CD226: variants seen among roughly 807,000 people sequenced by gnomAD.
CD226 encodes CD226 antigen.
In CD226, 24 loss-of-function variants were observed where a neutral mutation model predicts 34.9. The ratio of observed to expected loss-of-function variants is 0.69; its 90% CI spans 0.50 to 0.97. The LOEUF (loss-of-function observed/expected upper bound fraction) is 0.97, where lower values mean the gene tolerates loss of function less well. Ranked by LOEUF, CD226 falls within the 50% of genes least tolerant of loss-of-function variation. The pLI is 0.00. For synonymous variants in CD226, 148 were observed against 147.4 expected, an observed-to-expected ratio of 1.00 and a Z score of -0.03; for missense variants, 397 against 412.7, an observed-to-expected ratio of 0.96 and a Z score of 0.33.
rs1983004640 is a variant in CD226 at position 69,864,391 on chromosome 18, G to A, written c.934C>T (p.Gln312Ter). Residue 312 changes from glutamine (Q) to a stop codon, truncating the protein, a stop_gained, in exon 6 of 6, where the codon CAA becomes TAA. Coordinates refer to ENST00000582621, the MANE Select transcript of CD226 (RefSeq NM_001303618.2). LOFTEE classifies it high-confidence loss of function. ...SPISTSQPTN[Q>*]SMDDTREDIY... is the part of the protein sequence containing the mutation. ...TCCTCTCTTGTATCATCCATGGATTGATTGGTAGGTTGACTGGTAGAGATG... is the reference window on the plus strand; with the variant it reads ...TCCTCTCTTGTATCATCCATGGATTAATTGGTAGGTTGACTGGTAGAGATG... 1 of 1,613,014 alleles carries A rather than the reference G, an allele frequency of 6.2e-7. No homozygotes were observed. Among genetic ancestry groups the A allele is most frequent in the South Asian group, 1.1e-5 (1 of 91,056 alleles).
intron 3 of CD226, among the ~76,000 whole-genome samples, chr18:69,882,194 A>G (rs1427505120): frequency 6.6e-6 from 1 of 152,252 alleles, no homozygotes; most frequent in Non-Finnish European, 1.5e-5. Context: ...TAGCTGATGT[A>G]GAAATTTTGC....
At chr18:69,917,252 T>C (rs567203885) in intron 2 of CD226, among the ~76,000 whole-genome samples, 15 of 152,322 alleles carry the variant, frequency 9.8e-5, no homozygotes, top group African/African-American at 3.4e-4. Context: ...TAAGGCCTAA[T>C]AGAAGTAGTC....
chr18:69,945,859 G>C (rs980699669), intron 2 of CD226, among the ~76,000 whole-genome samples: 1 of 152,112 alleles, frequency 6.6e-6, no homozygotes, highest in Non-Finnish European at 1.5e-5. Context: ...GAGAAGTCAC[G>C]TCTTACATGG....
chr18:69,864,662 G>A (rs1983027985), intron 5 of CD226, among the ~76,000 whole-genome samples: 1 of 152,152 alleles, frequency 6.6e-6, no homozygotes, highest in Non-Finnish European at 1.5e-5. Context: ...GCTGTATTGT[G>A]CTATGAATTA....
At chr18:69,921,033 T>G (rs1480179623) in intron 2 of CD226, among the ~76,000 whole-genome samples, 1 of 152,170 alleles carries the variant, frequency 6.6e-6, no homozygotes, top group Non-Finnish European at 1.5e-5. Context: ...AATTGCTCAG[T>G]TCTTCATGCC....
chr18:69,908,994 T>C (rs1053629376), intron 2 of CD226, among the ~76,000 whole-genome samples: 13 of 152,248 alleles, frequency 8.5e-5, no homozygotes, highest in African/African-American at 3.1e-4. Context: ...ATATCACTTA[T>C]TCTGTGACAT....
intron 2 of CD226, among the ~76,000 whole-genome samples, chr18:69,930,576 T>A (rs1844208241): frequency 6.6e-6 from 1 of 152,074 alleles, no homozygotes; most frequent in African/African-American, 2.4e-5. Context: ...AAGAAATAGG[T>A]GTCAAAACCC....
intron 2 of CD226, among the ~76,000 whole-genome samples, chr18:69,900,654 C>G (rs1254548394): frequency 6.7e-6 from 1 of 148,602 alleles, no homozygotes; most frequent in African/African-American, 2.5e-5. Context: ...ATGGCGTGAA[C>G]CCGGGAGGCG....
chr18:69,864,471 A>T, intron 5 of CD226, 32 bp from the exon 6 acceptor site: 1 of 1,604,612 alleles, frequency 6.2e-7, no homozygotes, highest in Non-Finnish European at 8.5e-7. Flanking sequence ...AGTGTCAATA[A>T]TTCACTGCAT....
intron 4 of CD226, among the ~76,000 whole-genome samples, chr18:69,872,156 T>C (rs1865761): frequency 0.41 from 62,563 of 151,572 alleles, 15,423 homozygotes; most frequent in East Asian, 0.64. Flanking sequence ...CCAGCAAACA[T>C]ATATTAAGTA....
chr18:69,884,484 T>C (rs1317073496), intron 3 of CD226, among the ~76,000 whole-genome samples: 1 of 152,232 alleles, frequency 6.6e-6, no homozygotes, highest in African/African-American at 2.4e-5. Flanking sequence ...CTCTGTCTCT[T>C]TGAAAGACAT....
At chr18:69,915,443 A>G (rs1428749334) in intron 2 of CD226, among the ~76,000 whole-genome samples, 1 of 152,232 alleles carries the variant, frequency 6.6e-6, no homozygotes, top group Admixed American at 6.5e-5. Context: ...TGAAATGGAG[A>G]AAACAAACAA....
At chr18:69,925,005 A>G (rs17081844) in intron 2 of CD226, among the ~76,000 whole-genome samples, 6,442 of 152,294 alleles carry the variant, frequency 0.042, 481 homozygotes, top group African/African-American at 0.15. Context: ...AGAACAGATA[A>G]GCAACATATA....
chr18:69,869,899 C>A (rs1398109171), intron 4 of CD226, among the ~76,000 whole-genome samples: 2 of 149,660 alleles, frequency 1.3e-5, no homozygotes, highest in African/African-American at 2.5e-5. Flanking sequence ...CTCCCGGGTT[C>A]AAGTGATTCT....
At chr18:69,867,547 T>C in intron 4 of CD226, 136 bp from the exon 5 acceptor site, 2 of 590,814 alleles carry the variant, frequency 3.4e-6, no homozygotes, top group Non-Finnish European at 5.9e-6. Context: ...TGCACATTTA[T>C]CCAAAATTCT....
chr18:69,937,293 A>G (rs1422761591), intron 2 of CD226, among the ~76,000 whole-genome samples: 1 of 152,156 alleles, frequency 6.6e-6, no homozygotes, highest in African/African-American at 2.4e-5. Context: ...ATTATCTTCC[A>G]AAGTAGGTTA....
intron 3 of CD226, among the ~76,000 whole-genome samples, chr18:69,878,191 T>C (rs1983995958): frequency 6.6e-6 from 1 of 152,194 alleles, no homozygotes; most frequent in Non-Finnish European, 1.5e-5. Flanking sequence ...AAAGAAGAAT[T>C]GTTTCCAGAA....
intron 2 of CD226, among the ~76,000 whole-genome samples, chr18:69,942,251 T>C (rs1387608090): frequency 6.6e-6 from 1 of 152,232 alleles, no homozygotes; most frequent in Non-Finnish European, 1.5e-5. Context: ...TCCATGTATA[T>C]ACACATTGGT....
At chr18:69,960,866 A>C (rs2055926476), upstream of CD226, among the ~76,000 whole-genome samples, 1 of 152,256 alleles carries the variant, frequency 6.6e-6, no homozygotes, top group Non-Finnish European at 1.5e-5. Context: ...ATAGTGAGAC[A>C]CTAGAAAAAT....
Sources: gnomAD v4.1 joint callset for allele counts (sites outside exome capture counted in the v4.1 genomes callset) on GRCh38, gnomAD v4.1.1 for gene constraint, MANE v1.5 for transcripts, NCBI Gene and HGNC (gene_info 2026-07-23, HGNC 2026-07-21) for gene names.